The following KCNK2 variants were observed in gnomAD, a reference collection of about 807,000 sequenced individuals.
KCNK2 encodes potassium two pore domain channel subfamily K member 2.
A neutral mutation model predicts 40.5 loss-of-function variants in KCNK2; 21 were observed. The ratio of observed to expected loss-of-function variants is 0.52; its 90% CI spans 0.37 to 0.75. The LOEUF (loss-of-function observed/expected upper bound fraction) is 0.75, where lower values mean the gene tolerates loss of function less well. Among genes scored for constraint, KCNK2 ranks in the 30% least tolerant of loss-of-function variants. The pLI, the probability that KCNK2 is intolerant of heterozygous loss-of-function variation, is 0.00. For synonymous variants in KCNK2, 191 were observed against 202.2 expected (o/e 0.94, Z 0.47); for missense variants, 399 against 531.6 (o/e 0.75, Z 2.45).
chr1:215,029,457 T>A (rs1205675823), intron 1 of KCNK2, among the ~76,000 whole-genome samples: 2 of 143,844 alleles, frequency 1.4e-5, no homozygotes, highest in Non-Finnish European at 3.0e-5. Flanking sequence ...GATGGCTCAT[T>A]TCTTCTTAGT....
intron 2 of KCNK2, among the ~76,000 whole-genome samples, chr1:215,119,646 A>T (rs1161092486): frequency 1.3e-5 from 2 of 152,166 alleles, no homozygotes; most frequent in Non-Finnish European, 2.9e-5. Flanking sequence ...CTTTCTTATT[A>T]ATCAGCACTT....
At chr1:215,234,681 T>G (rs1399788279) in intron 6 of KCNK2, 147 bp from the exon 7 acceptor site, 1 of 698,696 alleles carries the variant, frequency 1.4e-6, no homozygotes, top group African/African-American at 1.8e-5. Context: ...CCTGCCTAAT[T>G]TCATCAATTC....
rs373457864 is a variant in KCNK2 at position 215,213,362 on chromosome 1, A to C, written c.963+18270A>C. Among the ~76,000 whole-genome samples, 3 of 152,216 alleles carry C rather than the reference A, an allele frequency of 2.0e-5. No homozygotes were observed. In the East Asian group the frequency reaches 5.8e-4, roughly 29 times the overall value. On this transcript the variant is annotated intron_variant, in intron 6 of 6. Coordinates refer to ENST00000444842, the MANE Select transcript of KCNK2 (RefSeq NM_001017425.3). Reference sequence around the variant, plus strand: ...AGTGGCTCACGCCTGTAATTCCAGTACTTTGGGAGGCCAAGGTGGGTGGAT... The same window carrying C: ...AGTGGCTCACGCCTGTAATTCCAGTCCTTTGGGAGGCCAAGGTGGGTGGAT...
At chr1:215,097,621 G>C (rs1660036680) in intron 2 of KCNK2, among the ~76,000 whole-genome samples, 1 of 151,918 alleles carries the variant, frequency 6.6e-6, no homozygotes, top group African/African-American at 2.4e-5. Context: ...CTAATGGTTA[G>C]TAGCAGATAA....
chr1:215,109,482 A>T (rs971512152), intron 2 of KCNK2, among the ~76,000 whole-genome samples: 1 of 151,700 alleles, frequency 6.6e-6, no homozygotes, highest in Admixed American at 6.6e-5. Context: ...TACCTGGCTT[A>T]TCTTAATTAA....
At chr1:215,033,779 T>C (rs1403796331) in intron 1 of KCNK2, among the ~76,000 whole-genome samples, 6 of 152,162 alleles carry the variant, frequency 3.9e-5, no homozygotes, top group Admixed American at 6.5e-5. Context: ...TAATTTCTCC[T>C]GAGGGCAGAT....
chr1:215,083,090 C>A lies in KCNK2; in HGVS notation c.-296C>A, dbSNP rs1373361539. 2 of 443,164 alleles carry A rather than the reference C, an allele frequency of 4.5e-6. No individual in the cohort carries two copies. Among genetic ancestry groups the A allele is most frequent in the Non-Finnish European group, 7.8e-6 (2 of 256,180 alleles). 27.5% of individuals were successfully genotyped at this position (443,164 alleles called of 1,614,324 possible). The stretch of plus-strand genomic sequence containing the variant: ...CGGGTGACCCGGGCCCGGCAGCAGG[C>A]GCGCGCGGGGGCGGCGGCGCCCAAG... On this transcript the variant is annotated 5_prime_UTR_variant, in exon 1 of 7. Transcript: ENST00000444842.
At chr1:215,149,854 A>G (rs989485682) in intron 3 of KCNK2, among the ~76,000 whole-genome samples, 8 of 152,340 alleles carry the variant, frequency 5.3e-5, no homozygotes, top group African/African-American at 1.9e-4. Flanking sequence ...TTTATCAGGT[A>G]TTCTTGAAAA....
chr1:215,190,737 G>A (rs950952782), intron 5 of KCNK2, among the ~76,000 whole-genome samples: 16 of 152,186 alleles, frequency 1.1e-4, no homozygotes, highest in South Asian at 6.2e-4. Flanking sequence ...TTCTATGGCC[G>A]CATGGTCTTA....
chr1:215,107,572 G>A (rs186967291), intron 2 of KCNK2, among the ~76,000 whole-genome samples: 42 of 152,122 alleles, frequency 2.8e-4, no homozygotes, highest in African/African-American at 7.5e-4. Context: ...CTATTTCATC[G>A]ATTTGTGTTT....
intron 6 of KCNK2, among the ~76,000 whole-genome samples, chr1:215,197,290 T>A (rs1026260176): frequency 6.6e-6 from 1 of 152,164 alleles, no homozygotes; most frequent in Non-Finnish European, 1.5e-5. Flanking sequence ...TAGGACGGAC[T>A]GGGTGTTATA....
chr1:215,099,349 C>CT (rs1208265082), intron 2 of KCNK2, among the ~76,000 whole-genome samples: 1 of 151,824 alleles, frequency 6.6e-6, no homozygotes, highest in Non-Finnish European at 1.5e-5. Context: ...CGATCTCATT[C>CT]TTTTTTATGG....
chr1:215,042,077 C>T (rs1332609983), intron 1 of KCNK2, among the ~76,000 whole-genome samples: 5 of 152,276 alleles, frequency 3.3e-5, no homozygotes, highest in African/African-American at 7.2e-5. Flanking sequence ...ACAGGAAAAA[C>T]CTGCCCCCAT....
chr1:215,050,175 T>A (rs570001540), intron 1 of KCNK2, among the ~76,000 whole-genome samples: 1 of 152,248 alleles, frequency 6.6e-6, no homozygotes, highest in African/African-American at 2.4e-5. Context: ...TAATTAACAT[T>A]TTGTAATTTT....
intron 6 of KCNK2, among the ~76,000 whole-genome samples, chr1:215,225,765 C>T (rs554878745): frequency 2.0e-5 from 3 of 152,244 alleles, no homozygotes; most frequent in Admixed American, 1.3e-4. Context: ...GAAGACTAAA[C>T]TTATTTTATT....
rs947301033 is a variant in KCNK2 at position 215,103,740 on chromosome 1, T to G, written c.357+17062T>G. Among the ~76,000 whole-genome samples, 4 of 152,108 alleles carry G rather than the reference T, an allele frequency of 2.6e-5. No homozygotes were observed. The East Asian group carries it at 7.7e-4, about 29-fold the overall frequency. On this transcript the variant is annotated intron_variant, in intron 2 of 6. Coordinates refer to ENST00000444842, the MANE Select transcript of KCNK2 (RefSeq NM_001017425.3). ...CTTGGACAGCTGTACTGTGCTATTATGCAAATAAGTATTTTTTGACGGGAC... is the reference window on the plus strand; with the variant it reads ...CTTGGACAGCTGTACTGTGCTATTAGGCAAATAAGTATTTTTTGACGGGAC...
upstream of KCNK2, among the ~76,000 whole-genome samples, chr1:215,081,297 A>G (rs538345582): frequency 7.9e-5 from 12 of 152,250 alleles, no homozygotes; most frequent in South Asian, 2.5e-3. Context: ...GTAACTGCCC[A>G]GGAAGACTTA....
At chr1:215,101,111 G>A (rs1405748535) in intron 2 of KCNK2, among the ~76,000 whole-genome samples, 1 of 151,982 alleles carries the variant, frequency 6.6e-6, no homozygotes, top group Non-Finnish European at 1.5e-5. Flanking sequence ...TCCATTCTGT[G>A]TTTCTGTTTT....
intron 3 of KCNK2, among the ~76,000 whole-genome samples, chr1:215,153,480 G>A (rs74140936): frequency 0.096 from 14,514 of 151,944 alleles, 2,268 homozygotes; most frequent in African/African-American, 0.33. Context: ...TTACAGAGAT[G>A]TCTGGGTCTT....
Sources: gnomAD v4.1 joint callset for allele counts (sites outside exome capture counted in the v4.1 genomes callset) on GRCh38, gnomAD v4.1.1 for gene constraint, MANE v1.5 for transcripts, NCBI Gene and HGNC (gene_info 2026-07-23, HGNC 2026-07-21) for gene names.